Variants in ZNF652 observed in about 807,000 individuals in gnomAD.
ZNF652 encodes zinc finger protein 652.
In ZNF652, 16 loss-of-function variants were observed where a neutral mutation model predicts 45.2. The observed-to-expected ratio is 0.35, with a 90% CI of 0.24 to 0.54. ZNF652 has a LOEUF of 0.54. Among genes scored for constraint, ZNF652 ranks in the 20% least tolerant of loss-of-function variants. The pLI is 0.91. For missense variants in ZNF652, 614 were observed against 765.6 expected (o/e 0.80, Z 2.34); for synonymous variants, 250 against 260.6 (o/e 0.96, Z 0.39).
intron 1 of ZNF652, among the ~76,000 whole-genome samples, chr17:49,351,516 T>C (rs1567700588): frequency 1.3e-5 from 2 of 152,020 alleles, no homozygotes; most frequent in Non-Finnish European, 2.9e-5. Flanking sequence ...TATGACCATA[T>C]AAAAAAGATT....
At position 49,294,355 on chromosome 17, in the gene ZNF652, T is replaced by A. The variant is rs2069443473; in HGVS notation, c.*4058A>T. ...ATGCTTAGTCATTAATCTAGAACAG[T>A]TAATGTAAATGGTAGACTATGAAAG... On this transcript the variant is annotated 3_prime_UTR_variant, in exon 6 of 6. Coordinates refer to ENST00000430262, the MANE Select transcript of ZNF652 (RefSeq NM_001145365.3). 6.6e-6 allele frequency among the ~76,000 whole-genome samples: 1 copy of A among 152,144 alleles called. No individual in the cohort carries two copies. Among genetic ancestry groups the A allele is most frequent in the Admixed American group, 6.6e-5 (1 of 15,262 alleles).
chr17:49,332,547 C>T (rs2143853348), intron 1 of ZNF652, among the ~76,000 whole-genome samples: 1 of 152,302 alleles, frequency 6.6e-6, no homozygotes, highest in East Asian at 1.9e-4. Flanking sequence ...TCAAGGGATC[C>T]ACCTATTCCC....
rs1259751617 is a variant in ZNF652, at chr17:49,292,701, G to A, written c.*5712C>T. On this transcript the variant is annotated 3_prime_UTR_variant, in exon 6 of 6. Transcript: ENST00000430262. ...CAATGACCTTTAATTTTAAAGGAAC[G>A]TCAAATTTCTGGTGAAAGTAAAAAA... 6.6e-6 allele frequency among the ~76,000 whole-genome samples: 1 copy of A among 152,078 alleles called. No homozygotes were observed. Among genetic ancestry groups the A allele is most frequent in the Non-Finnish European group, 1.5e-5 (1 of 68,012 alleles).
chr17:49,289,173 G>T (rs1163409731), downstream of ZNF652: 1 of 150,820 alleles, frequency 6.6e-6, no homozygotes, highest in East Asian at 1.9e-4. Flanking sequence ...TCACCTGAGG[G>T]TAAGGAAGAA....
intron 2 of ZNF652, among the ~76,000 whole-genome samples, chr17:49,315,499 G>A (rs567992303): frequency 2.6e-5 from 4 of 151,008 alleles, no homozygotes; most frequent in African/African-American, 9.7e-5. Context: ...AGAATCGTGA[G>A]GAAAGTCACA....
chr17:49,300,720 C>G (rs895424539), intron 5 of ZNF652, among the ~76,000 whole-genome samples: 10 of 152,178 alleles, frequency 6.6e-5, no homozygotes, highest in African/African-American at 2.4e-4. Context: ...GCTGTCACTT[C>G]CCTTGCTGCT....
chr17:49,327,773 ATATATATTT>A (rs1291202256), intron 1 of ZNF652, among the ~76,000 whole-genome samples: 10 of 2,840 alleles, frequency 3.5e-3, no homozygotes, highest in African/African-American at 0.011. Context: ...ATATATATAT[ATATATATTT>A]TTTTTTTTTT....
At chr17:49,354,151 A>C (rs112053155) in intron 1 of ZNF652, among the ~76,000 whole-genome samples, 215 of 152,286 alleles carry the variant, frequency 1.4e-3, no homozygotes, top group African/African-American at 5.0e-3. Flanking sequence ...ATCATTTCCA[A>C]ATTTTAATTT....
intron 2 of ZNF652, among the ~76,000 whole-genome samples, chr17:49,314,567 A>G (rs1254116042): frequency 1.3e-5 from 2 of 152,188 alleles, no homozygotes; most frequent in African/African-American, 4.8e-5. Flanking sequence ...TCTTGTAAGA[A>G]TCTGTAGAAA....
intron 1 of ZNF652, among the ~76,000 whole-genome samples, chr17:49,360,837 G>A (rs1446802752): frequency 6.6e-6 from 1 of 152,108 alleles, no homozygotes; most frequent in Admixed American, 6.6e-5. Flanking sequence ...CAACAAAATA[G>A]GAGAAACTTG....
At chr17:49,346,330 C>T (rs2070204635) in intron 1 of ZNF652, among the ~76,000 whole-genome samples, 3 of 152,232 alleles carry the variant, frequency 2.0e-5, no homozygotes, top group East Asian at 3.8e-4. Context: ...GTGGGCAGAT[C>T]ACCTGAGGTC....
Position 49,298,824 on chromosome 17 carries a change from T to C in ZNF652, c.1410A>G (p.Pro470=). 1 of 1,614,110 alleles carries C rather than the reference T, an allele frequency of 6.2e-7. No homozygotes were observed. Among genetic ancestry groups the C allele is most frequent in the Non-Finnish European group, 8.5e-7 (1 of 1,180,022 alleles). ...RRTHTGEKPY[P]CDVCGQRFRF... ...GGAACCGCTGGCCACACACATCACATGGATAGGGCTTCTCGCCTGTGTGAG... is the reference window on the plus strand; with the variant it reads ...GGAACCGCTGGCCACACACATCACACGGATAGGGCTTCTCGCCTGTGTGAG... Residue 470 remains proline (P), a synonymous_variant, in exon 6 of 6, where the codon CCA becomes CCG. Coordinates refer to ENST00000430262, the MANE Select transcript of ZNF652 (RefSeq NM_001145365.3).
intron 1 of ZNF652, among the ~76,000 whole-genome samples, chr17:49,319,663 AC>A (rs2069862651): frequency 7.0e-6 from 1 of 142,652 alleles, no homozygotes; most frequent in Non-Finnish European, 1.5e-5. Context: ...AAAAAAAAAG[AC>A]AGGGTCTCAC....
At chr17:49,311,188 T>C in intron 5 of ZNF652, 124 bp downstream of exon 5, 1 of 1,020,156 alleles carries the variant, frequency 9.8e-7, no homozygotes, top group Non-Finnish European at 1.4e-6. Context: ...ATTAGGTTTA[T>C]TTAAAGTGGG....
intron 5 of ZNF652, among the ~76,000 whole-genome samples, chr17:49,305,744 C>T (rs2069620307): frequency 6.6e-6 from 1 of 152,192 alleles, no homozygotes; most frequent in Non-Finnish European, 1.5e-5. Flanking sequence ...GCACATAGCA[C>T]TGTGCCTGGT....
At chr17:49,347,555 A>C (rs1303407474) in intron 1 of ZNF652, among the ~76,000 whole-genome samples, 1 of 151,850 alleles carries the variant, frequency 6.6e-6, no homozygotes, top group Non-Finnish European at 1.5e-5. Flanking sequence ...ACAGAGCAAG[A>C]CTCTGTCTTT....
At chr17:49,357,940 A>G (rs1191916897) in intron 1 of ZNF652, among the ~76,000 whole-genome samples, 1 of 152,180 alleles carries the variant, frequency 6.6e-6, no homozygotes, top group Non-Finnish European at 1.5e-5. Context: ...TTTCATCCCA[A>G]ATCTGCACAA....
At chr17:49,306,527 T>C (rs2069631007) in intron 5 of ZNF652, among the ~76,000 whole-genome samples, 2 of 152,160 alleles carry the variant, frequency 1.3e-5, no homozygotes, top group African/African-American at 2.4e-5. Context: ...ACTCAAGTGA[T>C]CCTCTCACCT....
At chr17:49,300,085 C>G (rs745641284) in intron 5 of ZNF652, among the ~76,000 whole-genome samples, 3 of 152,202 alleles carry the variant, frequency 2.0e-5, no homozygotes, top group Non-Finnish European at 4.4e-5. Flanking sequence ...CAATCCTTAG[C>G]ATACAGCTTG....
Sources: gnomAD v4.1 joint callset for allele counts (sites outside exome capture counted in the v4.1 genomes callset) on GRCh38, gnomAD v4.1.1 for gene constraint, MANE v1.5 for transcripts, NCBI Gene and HGNC (gene_info 2026-07-23, HGNC 2026-07-21) for gene names.